The following VWC2 variants were observed in gnomAD, a reference collection of about 807,000 sequenced individuals.
VWC2 encodes the protein von Willebrand factor C domain containing 2.
Under a neutral mutation model 29.8 loss-of-function variants are expected in VWC2, and 14 were observed. The observed-to-expected ratio is 0.47, with a 90% confidence interval of 0.31 to 0.74. The LOEUF (loss-of-function observed/expected upper bound fraction) is 0.74. Among genes scored for constraint, VWC2 ranks in the 30% least tolerant of loss-of-function variants. The probability of loss-of-function intolerance (pLI) is 0.05; values close to 1 mark genes in which losing one functional copy is unlikely to be tolerated. For synonymous variants in VWC2, 213 were observed against 199.0 expected, an observed-to-expected ratio of 1.07 and a Z score of -0.59; for missense variants, 457 against 459.8, an observed-to-expected ratio of 0.99 and a Z score of 0.05.
intron 3 of VWC2, among the ~76,000 whole-genome samples, chr7:49,837,434 A>G (rs1789689001): frequency 6.6e-6 from 1 of 152,226 alleles, no homozygotes; most frequent in African/African-American, 2.4e-5. Flanking sequence ...GCCCCAGAAC[A>G]TGTGAAGGAC....
At chr7:49,847,290 G>A (rs950310539) in intron 3 of VWC2, among the ~76,000 whole-genome samples, 20 of 151,302 alleles carry the variant, frequency 1.3e-4, no homozygotes, top group Admixed American at 8.6e-4. Context: ...TATCATTTGC[G>A]ACTATTGACA....
rs1210419793 is a variant in VWC2 at position 49,920,631 on chromosome 7, G to A, written c.*8446G>A. 5 of 151,976 alleles carry A rather than the reference G, an allele frequency of 3.3e-5. No individual in the cohort carries two copies. Among genetic ancestry groups the A allele is most frequent in the South Asian group, 2.1e-4 (1 of 4,818 alleles). 9.4% of individuals were successfully genotyped at this position (151,976 alleles called of 1,614,324 possible). ...TATTCTCATTTGTCTATGTCAATAC[G>A]GCTACATAAAGTTCACAACTATTTG... is the stretch of plus-strand genomic sequence containing the variant. On this transcript the variant is annotated 3_prime_UTR_variant, in exon 4 of 4. Transcript: ENST00000340652.
At chr7:49,793,003 C>G (rs1788500184) in intron 2 of VWC2, among the ~76,000 whole-genome samples, 1 of 152,184 alleles carries the variant, frequency 6.6e-6, no homozygotes, top group Non-Finnish European at 1.5e-5. Context: ...AGTTAAGATG[C>G]CTGGCAGCTG....
At chr7:49,845,628 A>G in intron 3 of VWC2, among the ~76,000 whole-genome samples, 1 of 152,250 alleles carries the variant, frequency 6.6e-6, no homozygotes, top group Non-Finnish European at 1.5e-5. Flanking sequence ...GTCTTCAAAT[A>G]CAGAAATTCC....
intron 3 of VWC2, among the ~76,000 whole-genome samples, chr7:49,855,161 A>C (rs1790363266): frequency 1.3e-5 from 2 of 152,232 alleles, no homozygotes; most frequent in African/African-American, 4.8e-5. Context: ...CTTAATAGTT[A>C]ATGCAATTAT....
At chr7:49,776,155 C>A in intron 2 of VWC2, 24 bp downstream of exon 2, 3 of 1,482,520 alleles carry the variant, frequency 2.0e-6, no homozygotes, top group Non-Finnish European at 2.7e-6. Flanking sequence ...GCCCGCCGGG[C>A]GACTTTGCAC....
intron 3 of VWC2, among the ~76,000 whole-genome samples, chr7:49,860,401 G>A (rs996742871): frequency 6.6e-6 from 1 of 152,102 alleles, no homozygotes; most frequent in South Asian, 2.1e-4. Flanking sequence ...TGTTTTCAAG[G>A]TTCATCCAAC....
At chr7:49,896,982 G>A (rs931696158) in intron 3 of VWC2, among the ~76,000 whole-genome samples, 7 of 142,676 alleles carry the variant, frequency 4.9e-5, no homozygotes, top group South Asian at 2.2e-4. Context: ...TGCAAGCTCC[G>A]CTTCCCGGGT....
At chr7:49,909,918 A>T (rs1452214647) in intron 3 of VWC2, among the ~76,000 whole-genome samples, 1 of 151,990 alleles carries the variant, frequency 6.6e-6, no homozygotes, top group Non-Finnish European at 1.5e-5. Context: ...AGCCTGGGCA[A>T]CATAGAAAGA....
intron 2 of VWC2, among the ~76,000 whole-genome samples, chr7:49,792,731 C>G (rs774569184): frequency 1.3e-5 from 2 of 152,258 alleles, no homozygotes; most frequent in Non-Finnish European, 2.9e-5. Context: ...TTGCATTTTC[C>G]CTCGGGCTTG....
At chr7:49,847,630 G>A (rs1235680726) in intron 3 of VWC2, among the ~76,000 whole-genome samples, 2 of 152,178 alleles carry the variant, frequency 1.3e-5, no homozygotes, top group Admixed American at 6.5e-5. Flanking sequence ...ACAGGGGCAC[G>A]CTGGCCTGGG....
At chr7:49,789,810 G>T (rs1422880427) in intron 2 of VWC2, among the ~76,000 whole-genome samples, 1 of 152,220 alleles carries the variant, frequency 6.6e-6, no homozygotes, top group Non-Finnish European at 1.5e-5. Context: ...ATCTATAAAT[G>T]AGCCAATTAT....
intron 3 of VWC2, among the ~76,000 whole-genome samples, chr7:49,893,938 TG>T (rs1472115186): frequency 3.9e-5 from 6 of 152,172 alleles, no homozygotes; most frequent in African/African-American, 1.4e-4. Context: ...TAAAATGCGT[TG>T]CCACAAGCAG....
intron 2 of VWC2, among the ~76,000 whole-genome samples, chr7:49,780,422 T>C (rs371429914): frequency 1.1e-4 from 17 of 152,280 alleles, no homozygotes; most frequent in African/African-American, 3.9e-4. Context: ...AATGTGTTAA[T>C]TGAAAAAAAA....
At chr7:49,835,987 T>C (rs1025020711) in intron 3 of VWC2, among the ~76,000 whole-genome samples, 2 of 152,200 alleles carry the variant, frequency 1.3e-5, no homozygotes, top group Admixed American at 1.3e-4. Context: ...TACAATTTTC[T>C]GGTTATTGAT....
chr7:49,882,883 T>C (rs188079500), intron 3 of VWC2, among the ~76,000 whole-genome samples: 5 of 152,208 alleles, frequency 3.3e-5, no homozygotes, highest in Non-Finnish European at 7.4e-5. Context: ...GTTGTTGTTG[T>C]TGTTTTGATC....
chr7:49,826,846 G>A (rs1051651755), intron 3 of VWC2, among the ~76,000 whole-genome samples: 1 of 151,926 alleles, frequency 6.6e-6, no homozygotes, highest in Non-Finnish European at 1.5e-5. Flanking sequence ...CCTGATGGGT[G>A]GACTATATAA....
chr7:49,789,099 A>C (rs1464588821), intron 2 of VWC2, among the ~76,000 whole-genome samples: 1 of 112,992 alleles, frequency 8.9e-6, no homozygotes, highest in Non-Finnish European at 1.8e-5. Flanking sequence ...TTTGGGTGTG[A>C]GAGAGAGATT....
chr7:49,847,046 G>T (rs1385339304), intron 3 of VWC2, among the ~76,000 whole-genome samples: 1 of 152,070 alleles, frequency 6.6e-6, no homozygotes, highest in East Asian at 1.9e-4. Context: ...TGTCAAATTG[G>T]GATGTCTTTG....
Sources: gnomAD v4.1 joint callset for allele counts (sites outside exome capture counted in the v4.1 genomes callset) on GRCh38, gnomAD v4.1.1 for gene constraint, MANE v1.5 for transcripts, NCBI Gene and HGNC (gene_info 2026-07-23, HGNC 2026-07-21) for gene names.